The following XIRP2 variants were observed in gnomAD, a reference collection of about 807,000 sequenced individuals.
The protein encoded by XIRP2 is xin actin binding repeat containing 2.
Under a neutral mutation model 277.0 loss-of-function variants are expected in XIRP2, and 236 were observed. That is an observed-to-expected ratio of 0.85 (90% CI 0.77 to 0.95). XIRP2 has a LOEUF of 0.95. Among genes scored for constraint, XIRP2 ranks in the 40% least tolerant of loss-of-function variants. The pLI, the probability that XIRP2 is intolerant of heterozygous loss-of-function variation, is 0.00. For missense variants in XIRP2, 4,640 were observed against 4,157.5 expected (o/e 1.12, Z -3.19); for synonymous variants, 1,490 against 1,416.5 (o/e 1.05, Z -1.17).
At chr2:167,179,215 T>C (rs1336859416) in intron 3 of XIRP2, among the ~76,000 whole-genome samples, 1 of 152,128 alleles carries the variant, frequency 6.6e-6, no homozygotes, top group Non-Finnish European at 1.5e-5. Context: ...TTTTATACAA[T>C]AAGCTTCCCG....
chr2:167,037,670 A>G (rs1030447317), intron 2 of XIRP2, among the ~76,000 whole-genome samples: 1 of 151,988 alleles, frequency 6.6e-6, no homozygotes, highest in African/African-American at 2.4e-5. Context: ...ATTTTTAATA[A>G]ATCAAACAGA....
intron 2 of XIRP2, among the ~76,000 whole-genome samples, chr2:166,945,922 T>C (rs1405649472): frequency 6.6e-6 from 1 of 151,922 alleles, no homozygotes; most frequent in Non-Finnish European, 1.5e-5. Context: ...TCTGCTAAGA[T>C]AACAGTGGGA....
intron 9 of XIRP2, among the ~76,000 whole-genome samples, chr2:167,253,776 TG>T (rs1239032355): frequency 6.6e-6 from 1 of 151,846 alleles, no homozygotes; most frequent in Non-Finnish European, 1.5e-5. Context: ...TACTCATGTA[TG>T]TTTTTTTAAA....
At chr2:166,994,688 C>CAAA (rs572251724) in intron 2 of XIRP2, among the ~76,000 whole-genome samples, 7 of 107,518 alleles carry the variant, frequency 6.5e-5, no homozygotes, top group East Asian at 7.9e-4. Context: ...CTCAGTCTAT[C>CAAA]AAAAAAAAAA....
At chr2:167,196,212 G>A (rs1693502225) in intron 3 of XIRP2, among the ~76,000 whole-genome samples, 1 of 152,124 alleles carries the variant, frequency 6.6e-6, no homozygotes, top group African/African-American at 2.4e-5. Flanking sequence ...CTGGAAATAA[G>A]TTTGTGGGTA....
chr2:166,944,750 T>C (rs1010080482), intron 2 of XIRP2, among the ~76,000 whole-genome samples: 3 of 152,182 alleles, frequency 2.0e-5, no homozygotes, highest in Non-Finnish European at 4.4e-5. Flanking sequence ...CCCTATGACC[T>C]AGGTGTTATT....
chr2:167,047,205 CTAATT>C (rs1341666947), intron 2 of XIRP2, among the ~76,000 whole-genome samples: 2 of 151,380 alleles, frequency 1.3e-5, no homozygotes, highest in Non-Finnish European at 3.0e-5. Flanking sequence ...AGTAATACAA[CTAATT>C]TAAAAGTTCA....
intron 2 of XIRP2, among the ~76,000 whole-genome samples, chr2:166,978,008 C>T (rs1558936230): frequency 6.6e-6 from 1 of 151,908 alleles, no homozygotes; most frequent in African/African-American, 2.4e-5. Context: ...ATTTATAATT[C>T]AAGTCTAATT....
intron 2 of XIRP2, among the ~76,000 whole-genome samples, chr2:166,984,130 T>G (rs1686941101): frequency 1.3e-5 from 2 of 152,210 alleles, no homozygotes; most frequent in Admixed American, 1.3e-4. Flanking sequence ...CATTCATTAT[T>G]ATACTGTAAT....
chr2:166,968,056 C>T (rs536676842), intron 2 of XIRP2, among the ~76,000 whole-genome samples: 3 of 151,918 alleles, frequency 2.0e-5, no homozygotes, highest in Non-Finnish European at 2.9e-5. Flanking sequence ...TACAGTTGCA[C>T]GTGTTAGATG....
At chr2:166,959,019 A>C (rs1686237788) in intron 2 of XIRP2, among the ~76,000 whole-genome samples, 1 of 151,726 alleles carries the variant, frequency 6.6e-6, no homozygotes, top group African/African-American at 2.4e-5. Context: ...CTTTGCCTGA[A>C]GCATCTCTGT....
intron 2 of XIRP2, among the ~76,000 whole-genome samples, chr2:167,032,298 T>C (rs1339418444): frequency 6.6e-6 from 1 of 151,942 alleles, no homozygotes; most frequent in African/African-American, 2.4e-5. Context: ...TACACAAAAA[T>C]TAAGGTGGAT....
intron 2 of XIRP2, among the ~76,000 whole-genome samples, chr2:166,998,700 A>T (rs561301406): frequency 6.6e-6 from 1 of 152,282 alleles, no homozygotes; most frequent in Non-Finnish European, 1.5e-5. Context: ...ACCTATGAAA[A>T]GAAAGATTAA....
rs1329164688 is a variant in XIRP2, at chr2:167,249,748, A to G, written c.8356A>G (p.Thr2786Ala). 1.2e-6 allele frequency: 2 copies of G among 1,613,348 alleles called. No homozygotes were observed. Among genetic ancestry groups the G allele is most frequent in the South Asian group, 2.2e-5 (2 of 91,032 alleles). ...KEKRVTVQLP[T>A]ESIQKNQEDK... ...GAAAAGAGTGACAGTACAATTGCCT[A>G]CAGAATCCATACAGAAGAACCAGGA... The change falls in exon 9 of 11, where the codon ACA becomes GCA. Residue 2786 changes from threonine to alanine, a missense_variant. By Grantham distance (58) the Thr-to-Ala change is moderately conservative (BLOSUM62 0). Coordinates refer to ENST00000409195, the MANE Select transcript of XIRP2 (RefSeq NM_152381.6).
At chr2:166,932,397 AAAGACAAGG>A (rs1255780030) in intron 2 of XIRP2, among the ~76,000 whole-genome samples, 2 of 151,762 alleles carry the variant, frequency 1.3e-5, no homozygotes, top group Non-Finnish European at 2.9e-5. Context: ...TTTATTTTGT[AAAGACAAGG>A]TCTTACTATA....
At chr2:167,226,707 G>A (rs907809359) in intron 5 of XIRP2, among the ~76,000 whole-genome samples, 3 of 152,056 alleles carry the variant, frequency 2.0e-5, no homozygotes, top group East Asian at 3.9e-4. Context: ...ACTCTACCCA[G>A]GCTTCTTTGG....
At chr2:167,043,902 TAACAA>T (rs1688725575) in intron 2 of XIRP2, among the ~76,000 whole-genome samples, 4 of 151,988 alleles carry the variant, frequency 2.6e-5, no homozygotes, top group Admixed American at 2.0e-4. Flanking sequence ...AGAGTGAGGA[TAACAA>T]AATTATCCTC....
chr2:167,017,584 C>T (rs1687866402), intron 2 of XIRP2, among the ~76,000 whole-genome samples: 1 of 151,920 alleles, frequency 6.6e-6, no homozygotes, highest in South Asian at 2.1e-4. Context: ...TGCCAAAGAG[C>T]TAGGAGTTAT....
chr2:167,196,213 T>C (rs942301459), intron 3 of XIRP2, among the ~76,000 whole-genome samples: 6 of 152,146 alleles, frequency 3.9e-5, no homozygotes. Context: ...TGGAAATAAG[T>C]TTGTGGGTAA....
Sources: gnomAD v4.1 joint callset for allele counts (sites outside exome capture counted in the v4.1 genomes callset) on GRCh38, gnomAD v4.1.1 for gene constraint, MANE v1.5 for transcripts, NCBI Gene and HGNC (gene_info 2026-07-23, HGNC 2026-07-21) for gene names.